CNTRL: variants seen among roughly 807,000 people sequenced by gnomAD.
The protein encoded by CNTRL is 110 kDa centrosomal protein.
Under a neutral mutation model 303.7 loss-of-function variants are expected in CNTRL, and 233 were observed. That is an observed-to-expected ratio of 0.77 (90% CI 0.69 to 0.86). The LOEUF (loss-of-function observed/expected upper bound fraction) is 0.86. Among genes scored for constraint, CNTRL ranks in the 40% least tolerant of loss-of-function variants. The pLI, the probability that CNTRL is intolerant of heterozygous loss-of-function variation, is 0.00. For missense variants in CNTRL, 2,524 were observed against 2,650.6 expected, an observed-to-expected ratio of 0.95 and a Z score of 1.05; for synonymous variants, 900 against 922.2, an observed-to-expected ratio of 0.98 and a Z score of 0.44.
chr9:121,162,353 T>A, intron 34 of CNTRL, 82 bp downstream of exon 34: 1 of 1,237,800 alleles, frequency 8.1e-7, no homozygotes, highest in Admixed American at 1.7e-5. Flanking sequence ...ATTTGGAAAA[T>A]AGAGAAAAAG....
rs1300237868 is a variant in CNTRL, at chr9:121,144,078, C to T, written c.3047C>T (p.Ala1016Val). The change falls in exon 20 of 44, where the codon GCA becomes GTA. Residue 1016 changes from alanine (A) to valine (V), a missense_variant. By Grantham distance (64) the Ala-to-Val change is moderately conservative (BLOSUM62 0). Coordinates refer to ENST00000373855, the MANE Select transcript of CNTRL (RefSeq NM_007018.6). Reference protein sequence around the residue: ...GTVMKINQERAEELQEAERFS... With the variant: ...GTVMKINQERVEELQEAERFS... Reference sequence around the variant, plus strand: ...GTTATGAAAATTAACCAGGAGCGAGCAGAGGTGAGTTCACATGTACAGAAC... The same window carrying T: ...GTTATGAAAATTAACCAGGAGCGAGTAGAGGTGAGTTCACATGTACAGAAC... The T allele has an allele frequency of 1.2e-6, 2 of 1,607,016 alleles. No homozygotes were observed. Among genetic ancestry groups the T allele is most frequent in the African/African-American group, 1.3e-5 (1 of 74,320 alleles).
chr9:121,162,327 A>G (rs1434957771), intron 34 of CNTRL, 56 bp downstream of exon 34: 1 of 1,448,344 alleles, frequency 6.9e-7, no homozygotes, highest in South Asian at 1.2e-5. Context: ...AAAGCATTAT[A>G]AACACACTAT....
Position 121,158,053 on chromosome 9 carries a change from G to C in CNTRL, c.4708G>C (p.Glu1570Gln). ...NEDHHLQVLK[E>Q]SEVLLQAKRA... is the part of the protein sequence containing the mutation. ...GGATCACCACCTGCAGGTCCTTAAA[G>C]AATCTGAGGTGCTTCTTCAGGCCAA... Residue 1570 changes from glutamate to glutamine, a missense_variant, in exon 30 of 44, where the codon GAA becomes CAA. By Grantham distance (29) the Glu-to-Gln change is conservative. Transcript: ENST00000373855. 1.2e-6 allele frequency: 2 copies of C among 1,614,158 alleles called. No homozygotes were observed. The highest frequency in any genetic ancestry group is 1.7e-6 in the Non-Finnish European group (2 of 1,180,024).
intron 26 of CNTRL, 108 bp downstream of exon 26, chr9:121,152,801 C>G: frequency 1.2e-6 from 1 of 847,684 alleles, no homozygotes; most frequent in Non-Finnish European, 1.8e-6. Flanking sequence ...CTGTCCAAAA[C>G]AGTAACCACT....
chr9:121,077,956 A>G (rs1037921464), intron 1 of CNTRL, among the ~76,000 whole-genome samples: 22 of 152,066 alleles, frequency 1.4e-4, no homozygotes, highest in African/African-American at 5.1e-4. Context: ...AGGGGGGAAA[A>G]AAACGCCAAC....
In CNTRL at chr9:121,160,218, C is replaced by A; in HGVS notation, c.5005C>A (p.Gln1669Lys). The A allele has an allele frequency of 1.9e-6, 3 of 1,564,286 alleles. No individual in the cohort carries two copies. The highest frequency in any genetic ancestry group is 1.2e-5 in the South Asian group (1 of 80,104). Residue 1669 changes from glutamine to lysine, a missense_variant, in exon 32 of 44, where the codon CAA (glutamine) becomes AAA (lysine). Transcript: ENST00000373855. ...LNVQISERKT[Q>K]LTLIKQEIEK... ...TGTTCAGATTAGTGAAAGAAAAACT[C>A]AACTTACACTTATAAAGCAGGAAAT...
intron 12 of CNTRL, 122 bp downstream of exon 12, chr9:121,118,662 A>T (rs929224754): frequency 1.4e-5 from 10 of 710,520 alleles, no homozygotes; most frequent in Non-Finnish European, 2.2e-5. Context: ...AATTTAAGTG[A>T]TATATACATA....
chr9:121,112,838 G>A (rs541581579), intron 9 of CNTRL, among the ~76,000 whole-genome samples: 6 of 152,238 alleles, frequency 3.9e-5, no homozygotes, highest in Non-Finnish European at 7.4e-5. Flanking sequence ...CGTCTAACTC[G>A]CAGCTATCTT....
At chr9:121,128,372 G>C (rs895458515) in intron 14 of CNTRL, among the ~76,000 whole-genome samples, 4 of 152,186 alleles carry the variant, frequency 2.6e-5, no homozygotes, top group African/African-American at 9.7e-5. Flanking sequence ...TTGTGGTTTT[G>C]ATTTGCATTT....
intron 1 of CNTRL, among the ~76,000 whole-genome samples, chr9:121,079,018 T>A (rs2048037784): frequency 1.3e-5 from 2 of 152,150 alleles, no homozygotes; most frequent in African/African-American, 4.8e-5. Context: ...ACTCAACCTT[T>A]AGCCCCTCTC....
At chr9:121,145,052 G>A (rs934656706) in intron 21 of CNTRL, 93 bp downstream of exon 21, 24 of 1,228,734 alleles carry the variant, frequency 2.0e-5, no homozygotes, top group African/African-American at 3.0e-5. Flanking sequence ...AAAGAATTCT[G>A]AAGTGCAATC....
At chr9:121,168,583 G>A (rs967831917) in intron 38 of CNTRL, among the ~76,000 whole-genome samples, 2 of 152,132 alleles carry the variant, frequency 1.3e-5, no homozygotes, top group Non-Finnish European at 2.9e-5. Flanking sequence ...GAACATTCAC[G>A]TGAATAATTG....
chr9:121,096,376 T>A (rs1244534543), intron 5 of CNTRL, 46 bp from the exon 6 acceptor site: 2 of 1,241,320 alleles, frequency 1.6e-6, no homozygotes, highest in Non-Finnish European at 2.2e-6. Context: ...ATGGAGAGAC[T>A]CTATAATTGT....
chr9:121,156,474 T>C (rs1163518720), intron 27 of CNTRL, among the ~76,000 whole-genome samples: 1 of 152,226 alleles, frequency 6.6e-6, no homozygotes, highest in Non-Finnish European at 1.5e-5. Flanking sequence ...AGTGCTTTGC[T>C]GGTGAAACTG....
chr9:121,113,465 C>A, intron 9 of CNTRL, 37 bp from the exon 10 acceptor site: 3 of 1,162,202 alleles, frequency 2.6e-6, no homozygotes, highest in Non-Finnish European at 3.7e-6. Context: ...GCTTGGAGAT[C>A]ACTTATTAAA....
At chr9:121,153,361 A>G (rs556566031) in intron 26 of CNTRL, among the ~76,000 whole-genome samples, 1 of 152,112 alleles carries the variant, frequency 6.6e-6, no homozygotes, top group South Asian at 2.1e-4. Context: ...CTGGCTCACT[A>G]CTTTCCTGTG....
At chr9:121,105,055 A>G (rs2049399332) in intron 7 of CNTRL, among the ~76,000 whole-genome samples, 1 of 152,132 alleles carries the variant, frequency 6.6e-6, no homozygotes, top group Admixed American at 6.6e-5. Flanking sequence ...ATCATTTTTG[A>G]TACAGAGAAT....
chr9:121,168,276 G>A lies in CNTRL; in HGVS notation c.6025G>A (p.Glu2009Lys). Residue 2009 changes from glutamate (E) to lysine (K), a missense_variant, in exon 38 of 44, where the codon GAG becomes AAG. By Grantham distance (56) the Glu-to-Lys change is moderately conservative. Coordinates refer to ENST00000373855, the MANE Select transcript of CNTRL (RefSeq NM_007018.6). ...AGAGCGTGTTAGGACTCTGCAGGAA[G>A]AGGAGAGGTGGTGTGAGAGCCTGGA... ...AEERVRTLQE[E>K]ERWCESLEKT... 1.2e-6 allele frequency: 2 copies of A among 1,614,190 alleles called. No individual in the cohort carries two copies. Among genetic ancestry groups the A allele is most frequent in the Non-Finnish European group, 1.7e-6 (2 of 1,180,040 alleles).
intron 12 of CNTRL, among the ~76,000 whole-genome samples, chr9:121,120,898 T>C (rs960226359): frequency 6.6e-6 from 1 of 152,222 alleles, no homozygotes. Context: ...TTCTTAAGTT[T>C]GCAGCCTTAG....
Sources: allele counts gnomAD v4.1 joint callset (sites outside exome capture counted in the v4.1 genomes callset), GRCh38; gene constraint gnomAD v4.1.1; transcripts MANE v1.5; gene names NCBI Gene and HGNC (gene_info 2026-07-23, HGNC 2026-07-21).